The following CTR9 variants were observed in gnomAD, a reference collection of about 807,000 sequenced individuals.
CTR9 encodes CTR9 component of Paf1/RNA polymerase II complex.
CTR9 carries 41 observed loss-of-function variants against 152.1 expected under a neutral mutation model. That is an observed-to-expected ratio of 0.27 (90% CI 0.21 to 0.35). The LOEUF is 0.35. Among genes scored for constraint, CTR9 ranks in the 10% least tolerant of loss-of-function variants. CTR9 has a pLI of 1.00. For synonymous variants in CTR9, 476 were observed against 496.2 expected (o/e 0.96, Z 0.54); for missense variants, 917 against 1,424.4 (o/e 0.64, Z 5.73).
intron 12 of CTR9, among the ~76,000 whole-genome samples, chr11:10,765,336 A>C (rs1849203402): frequency 6.6e-6 from 1 of 152,156 alleles, no homozygotes; most frequent in Admixed American, 6.5e-5. Flanking sequence ...AATAATAATA[A>C]TATACATAGT....
intron 22 of CTR9, 63 bp from the exon 23 acceptor site, chr11:10,775,144 A>T: frequency 1.5e-6 from 2 of 1,317,386 alleles, no homozygotes; most frequent in Non-Finnish European, 2.2e-6. Flanking sequence ...TTTAATGGCA[A>T]AGTAGTCTGG....
chr11:10,772,382 T>G (rs1863157059), intron 19 of CTR9, 138 bp from the exon 20 acceptor site: 2 of 743,166 alleles, frequency 2.7e-6, no homozygotes, highest in East Asian at 3.4e-5. Context: ...AAAAAAAACA[T>G]TTTTTTAAAA....
At chr11:10,755,263 G>A (rs542964475) in intron 3 of CTR9, 66 bp downstream of exon 3, 2 of 1,519,082 alleles carry the variant, frequency 1.3e-6, no homozygotes, top group Admixed American at 2.2e-5. Flanking sequence ...CAAAATGTGT[G>A]TGATAGCAGA....
chr11:10,774,326 C>A, intron 22 of CTR9, 157 bp downstream of exon 22: 1 of 819,848 alleles, frequency 1.2e-6, no homozygotes, highest in Non-Finnish European at 1.8e-6. Context: ...AGATAGACCC[C>A]AGTACAAAAT....
At chr11:10,762,689 AGTG>A (rs1416543089) in intron 7 of CTR9, among the ~76,000 whole-genome samples, 2 of 152,222 alleles carry the variant, frequency 1.3e-5, no homozygotes, top group Non-Finnish European at 2.9e-5. Context: ...CTGTAGAAGC[AGTG>A]GTATTTTAGG....
At position 10,770,275 on chromosome 11, in the gene CTR9, G is replaced by A. The variant is rs1382461081; in HGVS notation, c.2175G>A (p.Arg725=). The change falls in exon 17 of 25, where the codon CGG becomes CGA. Residue 725 remains arginine, a synonymous_variant. Coordinates refer to ENST00000361367, the MANE Select transcript of CTR9 (RefSeq NM_014633.5). ...QNTEVVLYLA[R]ALFKCGKLQE... ...CTGAAGTTGTACTCTATTTGGCCCG[G>A]GCCCTCTTCAAGTGTGGCAAGTTAC... 1.2e-6 allele frequency: 2 copies of A among 1,613,982 alleles called. No individual in the cohort carries two copies. Among genetic ancestry groups the A allele is most frequent in the Non-Finnish European group, 1.7e-6 (2 of 1,179,974 alleles).
chr11:10,751,389 A>T lies in CTR9; in HGVS notation c.-24A>T. 1 of 1,609,446 alleles carries T rather than the reference A, an allele frequency of 6.2e-7. No individual in the cohort carries two copies. The highest frequency in any genetic ancestry group is 8.5e-7 in the Non-Finnish European group (1 of 1,179,322). ...CGGCTGCGGAGCGGCGGGGCGAGAC[A>T]CTTGCTCGCCTTTTGACCCCATCAT... On this transcript the variant is annotated 5_prime_UTR_variant, in exon 1 of 25. Transcript: ENST00000361367.
intron 5 of CTR9, among the ~76,000 whole-genome samples, chr11:10,758,128 C>T (rs2135360240): frequency 6.6e-6 from 1 of 152,276 alleles, no homozygotes; most frequent in East Asian, 1.9e-4. Flanking sequence ...TAACCAGGGA[C>T]TGACTAATCA....
At position 10,773,189 on chromosome 11, in the gene CTR9, T is replaced by C. The variant is rs779596882; in HGVS notation, c.2643T>C (p.Tyr881=). ...AACTTTTGGAACAGCGGGCCCAGTA[T>C]GTGGAGAAGACCAAAAATATTCTTA... ...QKKLLEQRAQ[Y]VEKTKNILMF... is the part of the protein sequence containing the mutation. Residue 881 remains tyrosine (Y), a synonymous_variant, in exon 21 of 25, where the codon TAT becomes TAC. Coordinates refer to ENST00000361367, the MANE Select transcript of CTR9 (RefSeq NM_014633.5). The C allele has an allele frequency of 1.5e-5, 25 of 1,612,994 alleles. No individual in the cohort carries two copies. The highest frequency in any genetic ancestry group is 1.9e-5 in the Non-Finnish European group (23 of 1,179,804).
intron 11 of CTR9, 45 bp downstream of exon 11, chr11:10,764,481 G>A (rs759911434): frequency 9.3e-6 from 15 of 1,608,192 alleles, no homozygotes; most frequent in Admixed American, 6.8e-5. Context: ...GAATCAAGTT[G>A]CATGCACACC....
At position 10,775,276 on chromosome 11, in the gene CTR9, T is replaced by C. The variant is rs1452138805; in HGVS notation, c.2955T>C (p.Arg985=). The C allele has an allele frequency of 1.2e-6, 2 of 1,613,998 alleles. No individual in the cohort carries two copies. Among genetic ancestry groups the C allele is most frequent in the Admixed American group, 3.3e-5 (2 of 60,002 alleles). Residue 985 remains arginine, a synonymous_variant, in exon 23 of 25, where the codon CGT becomes CGC. Transcript: ENST00000361367. ...ATGGCCCCAAACCAAAAAAACGACG[T>C]CCACCAAAAGCAGAGAAGAAAAAGG... The part of the protein sequence containing the change: ...TENGPKPKKR[R]PPKAEKKKAP...
intron 6 of CTR9, among the ~76,000 whole-genome samples, chr11:10,761,704 T>A (rs1862980758): frequency 6.6e-6 from 1 of 151,864 alleles, no homozygotes; most frequent in African/African-American, 2.4e-5. Context: ...GAGATAAGTC[T>A]CAAGCAAGAA....
intron 18 of CTR9, among the ~76,000 whole-genome samples, chr11:10,770,838 C>T (rs896096998): frequency 6.6e-6 from 1 of 152,216 alleles, no homozygotes; most frequent in Non-Finnish European, 1.5e-5. Flanking sequence ...CCAGGTGGTG[C>T]CAAACTATAG....
At chr11:10,754,825 T>A in intron 2 of CTR9, 133 bp from the exon 3 acceptor site, 1 of 872,976 alleles carries the variant, frequency 1.1e-6, no homozygotes. Context: ...TGTTTATCCA[T>A]TCACCTGTTA....
intron 7 of CTR9, among the ~76,000 whole-genome samples, chr11:10,762,506 C>T (rs1479935799): frequency 6.6e-6 from 1 of 152,160 alleles, no homozygotes; most frequent in African/African-American, 2.4e-5. Flanking sequence ...GGGAAAGACA[C>T]ACAAATCTAT....
intron 5 of CTR9, among the ~76,000 whole-genome samples, chr11:10,759,383 C>T (rs753105153): frequency 1.3e-5 from 2 of 152,138 alleles, no homozygotes; most frequent in African/African-American, 2.4e-5. Flanking sequence ...TTGGATTTAG[C>T]ACCATACAAA....
chr11:10,762,471 G>A (rs1204608961), intron 7 of CTR9, among the ~76,000 whole-genome samples: 3 of 152,182 alleles, frequency 2.0e-5, no homozygotes, highest in Admixed American at 6.5e-5. Flanking sequence ...AGGTTTTTAG[G>A]AAGAGGTCAC....
Position 10,767,181 on chromosome 11 carries a change from T to G in CTR9, c.1687-625T>G, listed in dbSNP as rs1414379157. On this transcript the variant is annotated intron_variant, in intron 13 of 24. Coordinates refer to ENST00000361367, the MANE Select transcript of CTR9 (RefSeq NM_014633.5). This position sits in a 1 kb window ranked among gnomAD's most constrained non-coding sequence, Gnocchi z 4.0. ...TGTATATTTTCAAACAATTTTTTAA[T>G]GATTTAACAATTTTTGTAAATCATT... 1 of 152,892 alleles carries G rather than the reference T, an allele frequency of 6.5e-6. No homozygotes were observed. The highest frequency in any genetic ancestry group is 1.5e-5 in the Non-Finnish European group (1 of 68,220). The allele number at this position is 152,892 out of a possible 1,614,324, so 9.5% of individuals were successfully genotyped here.
In CTR9 at chr11:10,751,487, G is replaced by A. The variant is rs748144608; in HGVS notation, c.45+30G>A. 6.8e-6 allele frequency: 11 copies of A among 1,609,806 alleles called. 1 individual carries two copies. In the South Asian group the frequency reaches 1.2e-4, roughly 18 times the overall value. On this transcript the variant is annotated intron_variant, in intron 1 of 24. Coordinates refer to ENST00000361367, the MANE Select transcript of CTR9 (RefSeq NM_014633.5). ...GTGTCGTGTATGGAGGCGGGTGGGGGCCATGAACTTGTACGATCGCCCCCA... is the reference window on the plus strand; with the variant it reads ...GTGTCGTGTATGGAGGCGGGTGGGGACCATGAACTTGTACGATCGCCCCCA...
Sources: allele counts gnomAD v4.1 joint callset (sites outside exome capture counted in the v4.1 genomes callset), GRCh38; gene constraint gnomAD v4.1.1; non-coding constraint Gnocchi (gnomAD v3.1); transcripts MANE v1.5; gene names NCBI Gene and HGNC (gene_info 2026-07-23, HGNC 2026-07-21).